The following FAM210A variants were observed in gnomAD, a reference collection of about 807,000 sequenced individuals.
The protein encoded by FAM210A is mitochondrial inner membrane scaffold 1, also known as family with sequence similarity 210 member A.
FAM210A carries 13 observed loss-of-function variants against 25.3 expected under a neutral mutation model. The ratio of observed to expected loss-of-function variants is 0.51; its 90% CI spans 0.33 to 0.82. The LOEUF (loss-of-function observed/expected upper bound fraction) is 0.82. Among genes scored for constraint, FAM210A ranks in the 40% least tolerant of loss-of-function variants. The pLI is 0.02. For synonymous variants in FAM210A, 125 were observed against 118.7 expected, an observed-to-expected ratio of 1.05 and a Z score of -0.35; for missense variants, 319 against 323.2, an observed-to-expected ratio of 0.99 and a Z score of 0.10.
intron 1 of FAM210A, among the ~76,000 whole-genome samples, chr18:13,696,754 T>TA (rs2043697780): frequency 6.6e-6 from 1 of 152,188 alleles, no homozygotes; most frequent in Admixed American, 6.5e-5. Context: ...CAAAAGCTTA[T>TA]AAGCATAAAA....
intron 1 of FAM210A, among the ~76,000 whole-genome samples, chr18:13,699,832 T>C (rs2043724306): frequency 6.6e-6 from 1 of 152,240 alleles, no homozygotes; most frequent in Non-Finnish European, 1.5e-5. Context: ...CCCTTCTTCA[T>C]CTTCTCATCT....
chr18:13,726,473 G>T lies in FAM210A; in HGVS notation c.-173C>A, dbSNP rs576173132. 2 of 152,758 alleles carry T rather than the reference G, an allele frequency of 1.3e-5. No individual in the cohort carries two copies. Among genetic ancestry groups the T allele is most frequent in the South Asian group, 4.1e-4 (2 of 4,926 alleles). 9.5% of individuals were successfully genotyped at this position (152,758 alleles called of 1,614,324 possible). On this transcript the variant is annotated 5_prime_UTR_variant, in exon 1 of 4. Coordinates refer to ENST00000651643, the MANE Select transcript of FAM210A (RefSeq NM_152352.4). ...AGGAACCCGCCGGGCTCAGCCGGAC[G>T]CTAGCCCCCTGCCGCCCCCGGCCCC...
intron 1 of FAM210A, among the ~76,000 whole-genome samples, chr18:13,686,824 A>G (rs1434494368): frequency 6.6e-6 from 1 of 152,234 alleles, no homozygotes; most frequent in East Asian, 1.9e-4. Flanking sequence ...TCCCAGGCTG[A>G]GGTTGATTAG....
At chr18:13,677,577 G>A (rs943699888) in intron 2 of FAM210A, among the ~76,000 whole-genome samples, 1 of 152,178 alleles carries the variant, frequency 6.6e-6, no homozygotes, top group Non-Finnish European at 1.5e-5. Flanking sequence ...GATTAGGTTC[G>A]ATCTTTAACT....
At chr18:13,672,222 C>A (rs962521081) in intron 2 of FAM210A, among the ~76,000 whole-genome samples, 6 of 152,094 alleles carry the variant, frequency 3.9e-5, no homozygotes, top group Admixed American at 6.5e-5. Context: ...ATGTGGGCAT[C>A]CTAGTATGTT....
chr18:13,689,309 G>A (rs571162825), intron 1 of FAM210A, among the ~76,000 whole-genome samples: 1 of 152,120 alleles, frequency 6.6e-6, no homozygotes, highest in South Asian at 2.1e-4. Context: ...TCCACTGACT[G>A]TGACACCTAC....
rs1188261664 is a variant in FAM210A, at chr18:13,664,406, C to G, written c.*2074G>C. The G allele has an allele frequency of 6.6e-6, 1 of 152,036 alleles. No individual in the cohort carries two copies. Among genetic ancestry groups the G allele is most frequent in the East Asian group, 1.9e-4 (1 of 5,200 alleles). The allele number at this position is 152,036 out of a possible 1,614,324, so 9.4% of individuals were successfully genotyped here. On this transcript the variant is annotated 3_prime_UTR_variant, in exon 4 of 4. Coordinates refer to ENST00000651643, the MANE Select transcript of FAM210A (RefSeq NM_152352.4). ...TGTTTTAGAAAAATTCCATATAACA[C>G]AAGATTTTCACATAGTCTCCAGTGG... is the stretch of plus-strand genomic sequence containing the variant.
intron 3 of FAM210A, among the ~76,000 whole-genome samples, chr18:13,668,470 G>C (rs1568474041): frequency 6.6e-6 from 1 of 152,138 alleles, no homozygotes; most frequent in Non-Finnish European, 1.5e-5. Context: ...ACTATACATG[G>C]ATGATTCTTA....
At position 13,671,586 on chromosome 18, in the gene FAM210A, G is replaced by A. The variant is rs185179322; in HGVS notation, c.585+276C>T. Among the ~76,000 whole-genome samples, 8 of 151,894 alleles carry A rather than the reference G, an allele frequency of 5.3e-5. No individual in the cohort carries two copies. The East Asian group carries it at 1.5e-3, about 29-fold the overall frequency. On this transcript the variant is annotated intron_variant, in intron 3 of 3. Coordinates refer to ENST00000651643, the MANE Select transcript of FAM210A (RefSeq NM_152352.4). ...CTTGTTATCTCCCAGCTACTCGGGA[G>A]GCTGAGGTAGGAGAATCACTTTAAC...
At chr18:13,698,962 G>T (rs2043717672) in intron 1 of FAM210A, among the ~76,000 whole-genome samples, 2 of 152,172 alleles carry the variant, frequency 1.3e-5, no homozygotes, top group African/African-American at 2.4e-5. Context: ...CTGTGTGTGT[G>T]TCTTTAACTC....
chr18:13,698,259 G>T (rs543128587), intron 1 of FAM210A, among the ~76,000 whole-genome samples: 1 of 143,244 alleles, frequency 7.0e-6, no homozygotes, highest in South Asian at 2.2e-4. Context: ...GGCTGAGGCG[G>T]AAGAATTGCT....
At chr18:13,697,889 T>C (rs1413710735) in intron 1 of FAM210A, among the ~76,000 whole-genome samples, 3 of 152,154 alleles carry the variant, frequency 2.0e-5, no homozygotes, top group Non-Finnish European at 4.4e-5. Context: ...TATTCAGTAA[T>C]GTGCTATTAA....
Position 13,687,956 on chromosome 18 carries a change from C to T in FAM210A, c.-28-5851G>A, listed in dbSNP as rs576542194. The T allele has an allele frequency of 7.0e-4, 106 of 152,274 alleles. 1 individual carries two copies. Among genetic ancestry groups the T allele is most frequent in the African/African-American group, 2.5e-3 (103 of 41,544 alleles). 9.4% of individuals were successfully genotyped at this position (152,274 alleles called of 1,614,324 possible). ...CTGGTAACTTTTGGATACCTCCCAC[C>T]AGTAACAAACCCTTCAATATACCCC... is the stretch of plus-strand genomic sequence containing the variant. On this transcript the variant is annotated intron_variant, in intron 1 of 3. Transcript: ENST00000651643.
intron 2 of FAM210A, among the ~76,000 whole-genome samples, chr18:13,676,547 T>C (rs768128627): frequency 1.3e-5 from 2 of 152,258 alleles, no homozygotes; most frequent in Non-Finnish European, 2.9e-5. Context: ...TCTTGCTCTC[T>C]TTGGACACTG....
At position 13,666,410 on chromosome 18, in the gene FAM210A, CAT is replaced by C; in HGVS notation, c.*68_*69del. 1.6e-6 allele frequency: 2 copies of C among 1,237,560 alleles called. No individual in the cohort carries two copies. Among genetic ancestry groups the C allele is most frequent in the Non-Finnish European group, 2.3e-6 (2 of 873,538 alleles). The allele number at this position is 1,237,560 out of a possible 1,614,324, so 76.7% of individuals were successfully genotyped here. A position where few individuals can be genotyped will look rare whatever the true frequency, so the allele number is the denominator to read the frequency against. On this transcript the variant is annotated 3_prime_UTR_variant, in exon 4 of 4. Transcript: ENST00000651643. Reference sequence around the variant, plus strand: ...AACTAACCAAAAAAATAATCAGACACATGTATCTTTGCCCATAGTTTCCAAAG... The same window carrying C: ...AACTAACCAAAAAAATAATCAGACACGTATCTTTGCCCATAGTTTCCAAAG...
chr18:13,701,546 G>C (rs1270393709), intron 1 of FAM210A, among the ~76,000 whole-genome samples: 1 of 152,122 alleles, frequency 6.6e-6, no homozygotes, highest in African/African-American at 2.4e-5. Context: ...CATTGGCTAA[G>C]TTAATCAAGG....
chr18:13,690,476 C>T (rs1038139450), intron 1 of FAM210A, among the ~76,000 whole-genome samples: 1 of 152,192 alleles, frequency 6.6e-6, no homozygotes, highest in Non-Finnish European at 1.5e-5. Flanking sequence ...CCCTGACCCC[C>T]GAGTAGCCTA....
Position 13,706,729 on chromosome 18 carries a change from C to A in FAM210A, c.-29+19600G>T, listed in dbSNP as rs1327316815. Among the ~76,000 whole-genome samples the A allele has an allele frequency of 2.6e-5, 4 of 152,204 alleles. No individual in the cohort carries two copies. The East Asian group carries it at 7.7e-4, about 29-fold the overall frequency. On this transcript the variant is annotated intron_variant, in intron 1 of 3. Transcript: ENST00000651643. ...ATTGTTGCACAACAGACTTTAAATT[C>A]TCTTGTGAAGGTTATGCTAAAAAAC... is the stretch of plus-strand genomic sequence containing the variant.
At chr18:13,666,759 T>C in intron 3 of FAM210A, 46 bp from the exon 4 acceptor site, 1 of 1,530,052 alleles carries the variant, frequency 6.5e-7, no homozygotes, top group Non-Finnish European at 8.9e-7. Context: ...TGGTTATTAC[T>C]GTCATCTTAA....
Sources: gnomAD v4.1 joint callset for allele counts (sites outside exome capture counted in the v4.1 genomes callset) on GRCh38, gnomAD v4.1.1 for gene constraint, MANE v1.5 for transcripts, NCBI Gene and HGNC (gene_info 2026-07-23, HGNC 2026-07-21) for gene names.